The following PCDHGA4 variants were observed in gnomAD, a reference collection of about 807,000 sequenced individuals.
PCDHGA4 encodes the protein protocadherin gamma subfamily A, 4, also known as protocadherin gamma-A4.
Under a neutral mutation model 54.6 loss-of-function variants are expected in PCDHGA4, and 38 were observed. The ratio of observed to expected loss-of-function variants is 0.70; its 90% CI spans 0.54 to 0.91. PCDHGA4 has a LOEUF of 0.91. Among genes scored for constraint, PCDHGA4 ranks in the 40% least tolerant of loss-of-function variants. PCDHGA4 has a pLI of 0.00. For synonymous variants in PCDHGA4, 511 were observed against 512.9 expected (o/e 1.00, Z 0.05); for missense variants, 1,298 against 1,220.9 (o/e 1.06, Z -0.94).
At chr5:141,447,675 C>T (rs1416110491) in intron 1 of PCDHGA4, among the ~76,000 whole-genome samples, 13 of 152,064 alleles carry the variant, frequency 8.5e-5, no homozygotes, top group Admixed American at 8.5e-4. Context: ...TAGAACTGTT[C>T]CATATCTTGA....
chr5:141,413,024 C>A, intron 1 of PCDHGA4: 2 of 736,250 alleles, frequency 2.7e-6, no homozygotes, highest in Non-Finnish European at 4.2e-6. Flanking sequence ...ACAAGCCCCA[C>A]AAACCGGCTG....
intron 1 of PCDHGA4, chr5:141,421,750 C>G: frequency 6.2e-7 from 1 of 1,613,906 alleles, no homozygotes; most frequent in East Asian, 2.2e-5. Flanking sequence ...CCAGCTCAGC[C>G]CTAATAATTA....
intron 1 of PCDHGA4, chr5:141,410,044 C>G: frequency 6.2e-7 from 1 of 1,613,184 alleles, no homozygotes; most frequent in Non-Finnish European, 8.5e-7. Flanking sequence ...CCAGTGAGCC[C>G]GGACTCTTCA....
At chr5:141,438,287 T>C (rs1183751436) in intron 1 of PCDHGA4, among the ~76,000 whole-genome samples, 1 of 152,054 alleles carries the variant, frequency 6.6e-6, no homozygotes, top group African/African-American at 2.4e-5. Context: ...TAATTTAATC[T>C]GTATGTAAAA....
Position 141,431,141 on chromosome 5 carries a change from G to T in PCDHGA4, c.2515-63666G>T. 1.2e-6 allele frequency: 2 copies of T among 1,614,212 alleles called. No homozygotes were observed. Among genetic ancestry groups the T allele is most frequent in the South Asian group, 1.1e-5 (1 of 91,084 alleles). On this transcript the variant is annotated intron_variant, in intron 1 of 3. Coordinates refer to ENST00000571252, the MANE Select transcript of PCDHGA4 (RefSeq NM_018917.4). This position sits in a 1 kb window ranked among gnomAD's most constrained non-coding sequence, Gnocchi z 4.8. ...AGAAGTAGAAGTAAGGGACATTAACGACAATGCGCCTTACTTTCGTGAAAG... is the reference window on the plus strand; with the variant it reads ...AGAAGTAGAAGTAAGGGACATTAACTACAATGCGCCTTACTTTCGTGAAAG...
At position 141,376,592 on chromosome 5, in the gene PCDHGA4, C is replaced by T. The variant is rs373550079; in HGVS notation, c.2514+18971C>T. 8 of 1,565,128 alleles carry T rather than the reference C, an allele frequency of 5.1e-6. No individual in the cohort carries two copies. In the East Asian group the frequency reaches 1.4e-4, roughly 27 times the overall value. On this transcript the variant is annotated intron_variant, in intron 1 of 3. Coordinates refer to ENST00000571252, the MANE Select transcript of PCDHGA4 (RefSeq NM_018917.4). ...CAGACAGGCTCATCAGCTAGATCGG[C>T]TGTTATAGAAGCGAACCTCTTTTGG...
chr5:141,509,081 A>C (rs1279221589), intron 3 of PCDHGA4, among the ~76,000 whole-genome samples: 2 of 152,160 alleles, frequency 1.3e-5, no homozygotes, highest in Non-Finnish European at 2.9e-5. Flanking sequence ...GATTTGCGAC[A>C]TGAAATGGGG....
At chr5:141,409,786 C>A in intron 1 of PCDHGA4, 11 of 1,612,124 alleles carry the variant, frequency 6.8e-6, no homozygotes, top group Non-Finnish European at 9.3e-6. Flanking sequence ...TGCGCGCCTT[C>A]GCGCTCACGC....
At chr5:141,365,941 T>A (rs1175439180) in intron 1 of PCDHGA4, 1 of 1,614,152 alleles carries the variant, frequency 6.2e-7, no homozygotes, top group East Asian at 2.2e-5. Context: ...CCAGCGACAG[T>A]GGGAACCCTC....
At chr5:141,448,331 A>T (rs2098582637) in intron 1 of PCDHGA4, among the ~76,000 whole-genome samples, 1 of 152,146 alleles carries the variant, frequency 6.6e-6, no homozygotes, top group Non-Finnish European at 1.5e-5. Flanking sequence ...GAATCTTTAT[A>T]GCCATGTACC....
In PCDHGA4 at chr5:141,489,153, G is replaced by A; in HGVS notation, c.2515-5654G>A. The A allele has an allele frequency of 1.1e-6, 1 of 935,832 alleles. No homozygotes were observed. The highest frequency in any genetic ancestry group is 1.6e-6 in the Non-Finnish European group (1 of 627,178). 58.0% of individuals were successfully genotyped at this position (935,832 alleles called of 1,614,324 possible). A position where few individuals can be genotyped will look rare whatever the true frequency, so the allele number is the denominator to read the frequency against. ...TTTAAGAGGCTGGAAGGAGACATAA[G>A]AGACTTCAGCTGCTGCATTCCAAGC... On this transcript the variant is annotated intron_variant, in intron 1 of 3. Coordinates refer to ENST00000571252, the MANE Select transcript of PCDHGA4 (RefSeq NM_018917.4). This position sits in a 1 kb window ranked among gnomAD's most constrained non-coding sequence, Gnocchi z 4.5.
At chr5:141,404,600 CTG>C (rs2094545529) in intron 1 of PCDHGA4, 2 of 1,613,938 alleles carry the variant, frequency 1.2e-6, no homozygotes, top group Non-Finnish European at 1.7e-6. Context: ...GTCATTGAGA[CTG>C]TTTGTTTTGG....
intron 1 of PCDHGA4, chr5:141,400,317 G>A: frequency 6.2e-7 from 1 of 1,614,078 alleles, no homozygotes; most frequent in Middle Eastern, 1.6e-4. Flanking sequence ...TCTGTGTCAA[G>A]TCTGGACCTG....
In PCDHGA4 at chr5:141,491,163, C is replaced by T; in HGVS notation, c.2515-3644C>T. On this transcript the variant is annotated intron_variant, in intron 1 of 3. Transcript: ENST00000571252. The surrounding 1 kb of genome is among the most constrained non-coding windows in gnomAD (Gnocchi z 6.9). ...CCTTACTGGAGGATGACTCTGACAC[C>T]CAGCAGGTGGTGGTCCTGGTGAGGG... is the stretch of plus-strand genomic sequence containing the variant. 1 of 1,614,092 alleles carries T rather than the reference C, an allele frequency of 6.2e-7. No homozygotes were observed. Among genetic ancestry groups the T allele is most frequent in the Non-Finnish European group, 8.5e-7 (1 of 1,179,950 alleles).
At position 141,399,778 on chromosome 5, in the gene PCDHGA4, C is replaced by T. The variant is rs187080333; in HGVS notation, c.2514+42157C>T. 2.5e-6 allele frequency: 4 copies of T among 1,613,250 alleles called. No individual in the cohort carries two copies. The South Asian group carries it at 3.3e-5, about 13-fold the overall frequency. On this transcript the variant is annotated intron_variant, in intron 1 of 3. Transcript: ENST00000571252. ...GAGCCTGCGCGTGTTGGTGGGCGAC[C>T]GAAACGACAACGCACCGCGGGTGCT...
intron 1 of PCDHGA4, among the ~76,000 whole-genome samples, chr5:141,373,413 C>T (rs1769555622): frequency 6.6e-6 from 1 of 152,186 alleles, no homozygotes; most frequent in African/African-American, 2.4e-5. Flanking sequence ...GTCCCAGCTA[C>T]TCGGGAGGCT....
intron 1 of PCDHGA4, chr5:141,441,728 G>T: frequency 2.8e-6 from 1 of 361,966 alleles, no homozygotes. Flanking sequence ...CCCGCGACCA[G>T]GACTAGCTCG....
chr5:141,439,632 T>C (rs1335553818), intron 1 of PCDHGA4, among the ~76,000 whole-genome samples: 1 of 152,182 alleles, frequency 6.6e-6, no homozygotes, highest in Non-Finnish European at 1.5e-5. Context: ...TCCCCAGACA[T>C]TCCGGCTTGG....
Position 141,356,851 on chromosome 5 carries a change from T to C in PCDHGA4, c.1744T>C (p.Phe582Leu). Reference sequence around the variant, plus strand: ...CAGCAGCAATGTGTCACTGAGCCTCTTTGTGCTGGACCAGAACGACAATGT... The same window carrying C: ...CAGCAGCAATGTGTCACTGAGCCTCCTTGTGCTGGACCAGAACGACAATGT... The part of the protein sequence containing the change: ...PLSSNVSLSL[F>L]VLDQNDNVPE... Residue 582 changes from phenylalanine to leucine, a missense_variant, in exon 1 of 4, where the codon TTT becomes CTT. By Grantham distance (22) the Phe-to-Leu change is conservative. Transcript: ENST00000571252. The C allele has an allele frequency of 3.1e-6, 5 of 1,614,208 alleles. No individual in the cohort carries two copies. Among genetic ancestry groups the C allele is most frequent in the Non-Finnish European group, 4.2e-6 (5 of 1,180,026 alleles).
Sources: gnomAD v4.1 joint callset for allele counts (sites outside exome capture counted in the v4.1 genomes callset) on GRCh38, gnomAD v4.1.1 for gene constraint, Gnocchi (gnomAD v3.1) non-coding constraint, MANE v1.5 for transcripts, NCBI Gene and HGNC (gene_info 2026-07-23, HGNC 2026-07-21) for gene names.